Variants in FAM151B observed in about 807,000 individuals in gnomAD.
FAM151B encodes the protein protein FAM151B.
Under a neutral mutation model 31.2 loss-of-function variants are expected in FAM151B, and 24 were observed. The observed-to-expected ratio is 0.77, with a 90% CI of 0.56 to 1.08. The LOEUF (loss-of-function observed/expected upper bound fraction) is 1.08. FAM151B is among the 50% of genes least tolerant of loss of function. The pLI is 0.00. For missense variants in FAM151B, 293 were observed against 328.6 expected, an observed-to-expected ratio of 0.89 and a Z score of 0.84; for synonymous variants, 105 against 111.4, an observed-to-expected ratio of 0.94 and a Z score of 0.36.
At chr5:80,496,157 A>G (rs1395311006) in intron 1 of FAM151B, among the ~76,000 whole-genome samples, 3 of 152,226 alleles carry the variant, frequency 2.0e-5, no homozygotes, top group African/African-American at 7.2e-5. Context: ...ATTGTGTGCC[A>G]CAGAGAGATC....
intron 1 of FAM151B, chr5:80,500,528 A>G: frequency 1.3e-6 from 1 of 759,212 alleles, no homozygotes; most frequent in East Asian, 2.4e-5. Flanking sequence ...GATATACAGA[A>G]CTGAATTTTG....
At chr5:80,507,668 G>A (rs536339940) in intron 2 of FAM151B, among the ~76,000 whole-genome samples, 1 of 152,286 alleles carries the variant, frequency 6.6e-6, no homozygotes, top group African/African-American at 2.4e-5. Context: ...GCGACAGAAC[G>A]AGACTCTGTC....
intron 1 of FAM151B, among the ~76,000 whole-genome samples, chr5:80,496,799 ATTTTTTTTTTTTTTTTTTT>A (rs367658683): frequency 1.7e-5 from 1 of 57,738 alleles, no homozygotes; most frequent in African/African-American, 5.9e-5. Flanking sequence ...TTTTTGCTTA[ATTTTTTTTTTTTTTTTTTT>A]TTTTTTTTTT....
chr5:80,536,212 C>T (rs1050007663), intron 5 of FAM151B, among the ~76,000 whole-genome samples: 2 of 152,080 alleles, frequency 1.3e-5, no homozygotes, highest in African/African-American at 4.8e-5. Context: ...ACTGGGTTGC[C>T]CAGGCTGGAG....
At chr5:80,490,019 T>TACACACACACACACACACAC (rs71601587) in intron 1 of FAM151B, among the ~76,000 whole-genome samples, 59 of 144,700 alleles carry the variant, frequency 4.1e-4, no homozygotes, top group African/African-American at 1.4e-3. Flanking sequence ...TTTTCCCCCT[T>TACACACACACACACACACAC]ACACACACAC....
chr5:80,501,228 C>T (rs1743730762), intron 1 of FAM151B: 1 of 354,998 alleles, frequency 2.8e-6, no homozygotes, highest in South Asian at 2.8e-5. Flanking sequence ...CCATGTTGGC[C>T]AGGCTGCTCT....
chr5:80,527,307 C>G (rs554174191), intron 5 of FAM151B, among the ~76,000 whole-genome samples: 1 of 152,124 alleles, frequency 6.6e-6, no homozygotes, highest in African/African-American at 2.4e-5. Context: ...TCTGTAATCT[C>G]AGCTACTCAG....
chr5:80,504,765 T>A (rs59942040), intron 2 of FAM151B, among the ~76,000 whole-genome samples: 1 of 152,092 alleles, frequency 6.6e-6, no homozygotes, highest in Admixed American at 6.6e-5. Flanking sequence ...TGATCTGCCC[T>A]CCTTGGCCTC....
chr5:80,503,322 A>C (rs1743820262), intron 2 of FAM151B, among the ~76,000 whole-genome samples: 1 of 152,208 alleles, frequency 6.6e-6, no homozygotes, highest in South Asian at 2.1e-4. Context: ...TAATCCCAGC[A>C]CTTTGGGAAG....
chr5:80,513,039 A>G (rs906809830), intron 2 of FAM151B, among the ~76,000 whole-genome samples: 1 of 152,138 alleles, frequency 6.6e-6, no homozygotes, highest in African/African-American at 2.4e-5. Flanking sequence ...AGCGGTATGC[A>G]TGTCCTGGAG....
intron 3 of FAM151B, among the ~76,000 whole-genome samples, chr5:80,514,655 C>T (rs1744339339): frequency 6.6e-6 from 1 of 152,030 alleles, no homozygotes; most frequent in Non-Finnish European, 1.5e-5. Flanking sequence ...TACAGCAACA[C>T]TTCAGAAGCA....
chr5:80,506,079 A>G, intron 2 of FAM151B: 2 of 985,786 alleles, frequency 2.0e-6, no homozygotes, highest in Non-Finnish European at 2.4e-6. Context: ...TTATTAAGGT[A>G]TCCATTTCTG....
intron 4 of FAM151B, among the ~76,000 whole-genome samples, chr5:80,520,986 T>C (rs1404136597): frequency 1.3e-5 from 2 of 151,022 alleles, no homozygotes; most frequent in East Asian, 3.9e-4. Context: ...CTAATTTTTG[T>C]ATTGTTTTTT....
At chr5:80,532,680 C>T (rs1428810084) in intron 5 of FAM151B, among the ~76,000 whole-genome samples, 1 of 152,104 alleles carries the variant, frequency 6.6e-6, no homozygotes, top group African/African-American at 2.4e-5. Context: ...ACATTTCATC[C>T]AACAGCTGCA....
chr5:80,534,143 G>C (rs916733258), intron 5 of FAM151B, among the ~76,000 whole-genome samples: 3 of 151,924 alleles, frequency 2.0e-5, no homozygotes, highest in African/African-American at 7.3e-5. Context: ...AAAACCCTGG[G>C]ACCCGATGGC....
chr5:80,514,861 T>G (rs1218865174), intron 3 of FAM151B, among the ~76,000 whole-genome samples: 1 of 152,144 alleles, frequency 6.6e-6, no homozygotes, highest in East Asian at 1.9e-4. Context: ...ATACCGTTAG[T>G]GAATGAATAG....
chr5:80,531,022 C>A (rs1355710235), intron 5 of FAM151B, among the ~76,000 whole-genome samples: 1 of 152,186 alleles, frequency 6.6e-6, no homozygotes, highest in Non-Finnish European at 1.5e-5. Flanking sequence ...CAGCATAGTA[C>A]TGGTACCAAA....
rs545776704 is a variant in FAM151B at position 80,541,954 on chromosome 5, C to T, written c.*122C>T. 27 of 1,048,602 alleles carry T rather than the reference C, an allele frequency of 2.6e-5. No individual in the cohort carries two copies. The highest frequency in any genetic ancestry group is 3.3e-5 in the Non-Finnish European group (24 of 733,802). The allele number at this position is 1,048,602 out of a possible 1,614,324, so 65.0% of individuals were successfully genotyped here. A position where few individuals can be genotyped will look rare whatever the true frequency, so the allele number is the denominator to read the frequency against. On this transcript the variant is annotated 3_prime_UTR_variant, in exon 6 of 6. Coordinates refer to ENST00000282226, the MANE Select transcript of FAM151B (RefSeq NM_205548.3). Reference sequence around the variant, plus strand: ...CGTTCCAAGTCATCTAATCAAGAAACGTTTATTGTATGCTTACTCTGTGGG... The same window carrying T: ...CGTTCCAAGTCATCTAATCAAGAAATGTTTATTGTATGCTTACTCTGTGGG...
At chr5:80,505,752 T>TTA (rs1366029055) in intron 2 of FAM151B, among the ~76,000 whole-genome samples, 2 of 85,438 alleles carry the variant, frequency 2.3e-5, no homozygotes, top group African/African-American at 8.2e-5. Flanking sequence ...TATAAGAATT[T>TTA]TTTTTTTTTT....
Sources: gnomAD v4.1 joint callset for allele counts (sites outside exome capture counted in the v4.1 genomes callset) on GRCh38, gnomAD v4.1.1 for gene constraint, MANE v1.5 for transcripts, NCBI Gene and HGNC (gene_info 2026-07-23, HGNC 2026-07-21) for gene names.